The following MILR1 variants were observed in gnomAD, a reference collection of about 807,000 sequenced individuals.
MILR1 encodes the protein allergin-1.
In MILR1, 31 loss-of-function variants were observed where a neutral mutation model predicts 18.5. That is an observed-to-expected ratio of 1.68 (90% CI 1.26 to 2.26). The LOEUF (loss-of-function observed/expected upper bound fraction) is 2.26. Ranked by LOEUF, MILR1 falls within the 30% of genes most tolerant of loss-of-function variation. MILR1 has a pLI of 0.00. For missense variants in MILR1, 257 were observed against 157.4 expected, an observed-to-expected ratio of 1.63 and a Z score of -3.38; for synonymous variants, 85 against 56.2, an observed-to-expected ratio of 1.51 and a Z score of -2.30.
downstream of MILR1, among the ~76,000 whole-genome samples, chr17:64,471,472 G>A (rs537708051): frequency 6.6e-6 from 1 of 152,298 alleles, no homozygotes; most frequent in African/African-American, 2.4e-5. Flanking sequence ...CCCAGGCACT[G>A]CAAACACCCC....
At chr17:64,494,719 CCCT>C in the MILR1 span, among the ~76,000 whole-genome samples, 5 of 152,242 alleles carry the variant, frequency 3.3e-5, no homozygotes, top group African/African-American at 9.6e-5. Context: ...CCAGTGACAA[CCCT>C]CCTCAAGCCA....
the MILR1 span, among the ~76,000 whole-genome samples, chr17:64,488,147 T>G: frequency 6.6e-6 from 1 of 152,216 alleles, no homozygotes; most frequent in Non-Finnish European, 1.5e-5. Flanking sequence ...GAGGATTGCT[T>G]GAGCCCAGGA....
chr17:64,480,983 C>CAA, the MILR1 span, among the ~76,000 whole-genome samples: 1 of 152,192 alleles, frequency 6.6e-6, no homozygotes, highest in Admixed American at 6.6e-5. Flanking sequence ...TAACTGTTTT[C>CAA]TTTACAAGCA....
the MILR1 span, among the ~76,000 whole-genome samples, chr17:64,493,868 CATCAATT>C: frequency 1.3e-5 from 2 of 152,182 alleles, no homozygotes; most frequent in Non-Finnish European, 2.9e-5. Context: ...TACCTAGATT[CATCAATT>C]ATCAACATTT....
At chr17:64,465,388 C>T in intron 5 of MILR1, 64 bp from the exon 6 acceptor site, 1 of 1,168,318 alleles carries the variant, frequency 8.6e-7, no homozygotes, top group Non-Finnish European at 1.3e-6. Context: ...TGCTCCTTGG[C>T]CGAGGAGATG....
chr17:64,486,132 C>T, the MILR1 span, among the ~76,000 whole-genome samples: 4 of 152,180 alleles, frequency 2.6e-5, no homozygotes, highest in Non-Finnish European at 5.9e-5. Context: ...GTGGTAGGCA[C>T]TGGGCCCACG....
intron 2 of MILR1, among the ~76,000 whole-genome samples, chr17:64,450,529 G>A (rs1005672907): frequency 2.6e-5 from 4 of 152,018 alleles, no homozygotes; most frequent in Non-Finnish European, 5.9e-5. Context: ...GCCCAGGCTG[G>A]AGTACAGTGG....
At chr17:64,491,333 G>A in the MILR1 span, among the ~76,000 whole-genome samples, 8 of 152,148 alleles carry the variant, frequency 5.3e-5, no homozygotes, top group South Asian at 4.1e-4. Context: ...AGTGGCTCAC[G>A]CCTGTTATGC....
chr17:64,481,414 C>A, the MILR1 span: 1 of 985,306 alleles, frequency 1.0e-6, no homozygotes, highest in Non-Finnish European at 1.2e-6. Context: ...GTCTCAATCA[C>A]CCAGACAGAA....
the MILR1 span, among the ~76,000 whole-genome samples, chr17:64,477,028 C>A: frequency 6.6e-6 from 1 of 152,082 alleles, no homozygotes; most frequent in African/African-American, 2.4e-5. Flanking sequence ...AGACAGGAAA[C>A]AAACTACAAT....
chr17:64,469,758 G>A (rs2037659551), downstream of MILR1, among the ~76,000 whole-genome samples: 1 of 152,090 alleles, frequency 6.6e-6, no homozygotes, highest in African/African-American at 2.4e-5. Context: ...TCAGACCCAC[G>A]CTGCTGTGGG....
chr17:64,471,173 G>A (rs2037682328), downstream of MILR1, among the ~76,000 whole-genome samples: 1 of 151,956 alleles, frequency 6.6e-6, no homozygotes, highest in Non-Finnish European at 1.5e-5. Flanking sequence ...CATCATTTAT[G>A]TAGGAGGTGG....
At chr17:64,457,742 T>G (rs954110725) in intron 4 of MILR1, 58 bp downstream of exon 4, 127 of 466,072 alleles carry the variant, frequency 2.7e-4, no homozygotes, top group Non-Finnish European at 3.0e-4. Context: ...AAACTGCAGC[T>G]GCTCCTCTGC....
the MILR1 span, among the ~76,000 whole-genome samples, chr17:64,496,234 C>T: frequency 6.6e-6 from 1 of 152,096 alleles, no homozygotes; most frequent in African/African-American, 2.4e-5. Flanking sequence ...TTCCATGGAC[C>T]AGTTTTCTCC....
chr17:64,495,044 G>C, the MILR1 span, among the ~76,000 whole-genome samples: 1 of 152,080 alleles, frequency 6.6e-6, no homozygotes, highest in Non-Finnish European at 1.5e-5. Flanking sequence ...GTGGTGGCAA[G>C]TGCCTGTAGT....
chr17:64,482,888 T>C, the MILR1 span: 2 of 1,231,014 alleles, frequency 1.6e-6, no homozygotes, highest in Non-Finnish European at 2.4e-6. Flanking sequence ...CAATCTGTAA[T>C]TAAAATGACA....
intron 5 of MILR1, among the ~76,000 whole-genome samples, chr17:64,461,171 T>C (rs1402559441): frequency 6.6e-6 from 1 of 152,160 alleles, no homozygotes; most frequent in Admixed American, 6.5e-5. Flanking sequence ...CAGAGCTGGC[T>C]TCACAGACGT....
the MILR1 span, chr17:64,482,976 T>A: frequency 6.2e-7 from 1 of 1,605,600 alleles, no homozygotes; most frequent in African/African-American, 1.3e-5. Context: ...TAATAGGGGC[T>A]AAACAAGGGT....
At chr17:64,482,553 C>T in the MILR1 span, among the ~76,000 whole-genome samples, 1 of 152,192 alleles carries the variant, frequency 6.6e-6, no homozygotes, top group Non-Finnish European at 1.5e-5. Context: ...CTCTTGACCT[C>T]GTGATCCACC....
Sources: gnomAD v4.1 joint callset for allele counts (sites outside exome capture counted in the v4.1 genomes callset) on GRCh38, gnomAD v4.1.1 for gene constraint, MANE v1.5 for transcripts, NCBI Gene and HGNC (gene_info 2026-07-23, HGNC 2026-07-21) for gene names.